PPP2R5C: variants seen among roughly 807,000 people sequenced by gnomAD.
PPP2R5C encodes the protein serine/threonine-protein phosphatase 2A 56 kDa regulatory subunit gamma isoform.
PPP2R5C carries 7 observed loss-of-function variants against 68.9 expected under a neutral mutation model. The ratio of observed to expected loss-of-function variants is 0.10; its 90% confidence interval spans 0.06 to 0.19. The LOEUF (loss-of-function observed/expected upper bound fraction) is 0.19. Ranked by LOEUF, PPP2R5C falls within the 10% of genes least tolerant of loss-of-function variation. The pLI is 1.00. For missense variants in PPP2R5C, 348 were observed against 641.3 expected, an observed-to-expected ratio of 0.54 and a Z score of 4.94; for synonymous variants, 210 against 222.2, an observed-to-expected ratio of 0.95 and a Z score of 0.49.
intron 1 of PPP2R5C, among the ~76,000 whole-genome samples, chr14:101,852,469 C>CTTTTTTT (rs559509845): frequency 1.7e-3 from 194 of 115,078 alleles, no homozygotes; most frequent in Non-Finnish European, 2.1e-3. Flanking sequence ...TTTTCTTTTT[C>CTTTTTTT]TTTTTTTTTT....
In PPP2R5C at chr14:101,906,387, A is replaced by G. The variant is rs1255561214; in HGVS notation, c.1024-15A>G. 1 of 1,583,116 alleles carries G rather than the reference A, an allele frequency of 6.3e-7. No individual in the cohort carries two copies. The highest frequency in any genetic ancestry group is 8.6e-7 in the Non-Finnish European group (1 of 1,166,560). On this transcript the variant is annotated splice_polypyrimidine_tract_variant and intron_variant, in intron 9 of 13. Coordinates refer to ENST00000334743, the Ensembl canonical transcript of PPP2R5C. The surrounding 1 kb of genome is among the most constrained non-coding windows in gnomAD (Gnocchi z 4.0). ...AGGCACAACCTCCAGCAAGCCATCC[A>G]CTTGTGTCTTTCAGGTGGCAGAGCG... is the stretch of plus-strand genomic sequence containing the variant.
intron 6 of PPP2R5C, 87 bp from the exon 9 acceptor site, chr14:101,892,913 T>C (rs1410509481): frequency 1.9e-6 from 2 of 1,060,010 alleles, no homozygotes; most frequent in South Asian, 1.4e-5. Flanking sequence ...GTTTTGATGG[T>C]GAAAACAAAA....
chr14:101,812,774 G>A (rs2039442392), intron 1 of PPP2R5C, among the ~76,000 whole-genome samples: 1 of 152,148 alleles, frequency 6.6e-6, no homozygotes, highest in Non-Finnish European at 1.5e-5. Context: ...ATATGAGCAG[G>A]GGCTATGGCC....
intron 2 of PPP2R5C, among the ~76,000 whole-genome samples, chr14:101,881,786 C>T (rs1382169328): frequency 6.6e-6 from 1 of 152,238 alleles, no homozygotes. Context: ...CGTCTTTCGT[C>T]ATCTCATCCC....
chr14:101,799,333 C>T (rs1239493721), intron 3 of PPP2R5C, among the ~76,000 whole-genome samples: 5 of 152,274 alleles, frequency 3.3e-5, no homozygotes, highest in South Asian at 4.1e-4. Context: ...TTGTGTCCTG[C>T]CTCAGTCCCT....
chr14:101,904,600 A>C (rs1192802222), intron 9 of PPP2R5C, among the ~76,000 whole-genome samples: 4 of 152,110 alleles, frequency 2.6e-5, no homozygotes, highest in Non-Finnish European at 5.9e-5. Context: ...CCTTTTCTGC[A>C]AAGTTCATCC....
intron 1 of PPP2R5C, among the ~76,000 whole-genome samples, chr14:101,853,675 C>T (rs926814575): frequency 9.0e-4 from 137 of 152,254 alleles, no homozygotes; most frequent in African/African-American, 3.2e-3. Flanking sequence ...ACATTTGGCC[C>T]TCGTGTCCGT....
At chr14:101,840,448 G>T (rs1595341775) in intron 1 of PPP2R5C, among the ~76,000 whole-genome samples, 1 of 125,954 alleles carries the variant, frequency 7.9e-6, no homozygotes, top group African/African-American at 3.1e-5. Flanking sequence ...TCTTACCCAT[G>T]TGAGCTTCCA....
At chr14:101,908,812 G>T (rs896375494) in intron 10 of PPP2R5C, among the ~76,000 whole-genome samples, 9 of 152,018 alleles carry the variant, frequency 5.9e-5, no homozygotes, top group African/African-American at 2.2e-4. Context: ...CCATTGCAAA[G>T]AAAAAAATGT....
intron 1 of PPP2R5C, among the ~76,000 whole-genome samples, chr14:101,816,255 C>T (rs747536154): frequency 6.6e-6 from 1 of 152,122 alleles, no homozygotes; most frequent in Non-Finnish European, 1.5e-5. Flanking sequence ...GCGCTGTTTC[C>T]GCTCCCTGTC....
intron 2 of PPP2R5C, among the ~76,000 whole-genome samples, chr14:101,859,617 GAA>G (rs2042639334): frequency 6.6e-6 from 1 of 152,216 alleles, no homozygotes; most frequent in Non-Finnish European, 1.5e-5. Context: ...TATAGTGAAA[GAA>G]GGAAGAACAC....
chr14:101,884,529 G>A (rs998672964), intron 5 of PPP2R5C, among the ~76,000 whole-genome samples: 8 of 152,218 alleles, frequency 5.3e-5, no homozygotes, highest in Non-Finnish European at 1.0e-4. Flanking sequence ...CCTGAGATCT[G>A]TGCACCTCGG....
rs1291461164 is a variant in PPP2R5C at position 101,916,352 on chromosome 14, C to T, written c.1327-1479C>T. Reference sequence around the variant, plus strand: ...TTGGGGGACGTGGAAGCCAGGTGGGCTGAGTTGAGCAGCAGGGCCTGGGCC... The same window carrying T: ...TTGGGGGACGTGGAAGCCAGGTGGGTTGAGTTGAGCAGCAGGGCCTGGGCC... On this transcript the variant is annotated intron_variant, in intron 12 of 13. Coordinates refer to ENST00000334743, the Ensembl canonical transcript of PPP2R5C. The surrounding 1 kb of genome is among the most constrained non-coding windows in gnomAD (Gnocchi z 5.5). Among the ~76,000 whole-genome samples, 2 of 151,996 alleles carry T rather than the reference C, an allele frequency of 1.3e-5. No homozygotes were observed. Among genetic ancestry groups the T allele is most frequent in the Non-Finnish European group, 2.9e-5 (2 of 67,990 alleles).
rs1566932277 is a variant in PPP2R5C at position 101,877,921 on chromosome 14, G to A, written c.295-4240G>A. Among the ~76,000 whole-genome samples, 1 of 152,224 alleles carries A rather than the reference G, an allele frequency of 6.6e-6. No individual in the cohort carries two copies. Among genetic ancestry groups the A allele is most frequent in the Non-Finnish European group, 1.5e-5 (1 of 68,046 alleles). ...AGGTCGGTCATCAGTCAAGGACGCT[G>A]TATCAGTCTGCTCAGGCTGCCGTAA... On this transcript the variant is annotated intron_variant, in intron 2 of 13. Transcript: ENST00000334743. This position sits in a 1 kb window ranked among gnomAD's most constrained non-coding sequence, Gnocchi z 4.2.
In PPP2R5C at chr14:101,913,385, A is replaced by T. The variant is rs2046493945; in HGVS notation, c.1326+912A>T. On this transcript the variant is annotated intron_variant, in intron 12 of 13. Transcript: ENST00000334743. The surrounding 1 kb of genome is among the most constrained non-coding windows in gnomAD (Gnocchi z 4.1). ...TTAATAAAAAGTTATACATGAATAT[A>T]AAGTTAAAAGTATATCTTTACCTAT... 6.6e-6 allele frequency among the ~76,000 whole-genome samples: 1 copy of T among 152,222 alleles called. No individual in the cohort carries two copies. Among genetic ancestry groups the T allele is most frequent in the Non-Finnish European group, 1.5e-5 (1 of 68,034 alleles).
intron 3 of PPP2R5C, among the ~76,000 whole-genome samples, chr14:101,795,671 T>C (rs1360416371): frequency 6.6e-6 from 1 of 152,044 alleles, no homozygotes; most frequent in Non-Finnish European, 1.5e-5. Context: ...GGCAAAAGAG[T>C]TGCCGAGTAT....
intron 11 of PPP2R5C, 86 bp from the exon 14 acceptor site, chr14:101,912,315 G>A: frequency 8.5e-7 from 1 of 1,182,130 alleles, no homozygotes; most frequent in Non-Finnish European, 1.1e-6. Flanking sequence ...CGCTGGCTGG[G>A]CTCAACATGC....
At chr14:101,776,166 A>G (rs2037412431) in intron 2 of PPP2R5C, among the ~76,000 whole-genome samples, 1 of 152,066 alleles carries the variant, frequency 6.6e-6, no homozygotes, top group Non-Finnish European at 1.5e-5. Flanking sequence ...ACTGAAGGGA[A>G]GGGCCGACTA....
chr14:101,883,228 A>G (rs1408862690), intron 3 of PPP2R5C, 29 bp from the exon 6 acceptor site: 3 of 1,418,964 alleles, frequency 2.1e-6, no homozygotes, highest in Non-Finnish European at 2.9e-6. Context: ...ATCTCATGTT[A>G]TTTGACTCAT....
Sources: gnomAD v4.1 joint callset for allele counts (sites outside exome capture counted in the v4.1 genomes callset) on GRCh38, gnomAD v4.1.1 for gene constraint, Gnocchi (gnomAD v3.1) non-coding constraint, MANE v1.5 for transcripts, NCBI Gene and HGNC (gene_info 2026-07-23, HGNC 2026-07-21) for gene names.